Variants in FHIT observed in about 807,000 individuals in gnomAD.
The protein encoded by FHIT is fragile histidine triad diadenosine triphosphatase.
Under a neutral mutation model 17.9 loss-of-function variants are expected in FHIT, and 19 were observed. The observed-to-expected ratio is 1.06, with a 90% CI of 0.74 to 1.56. The LOEUF is 1.56. Ranked by LOEUF, FHIT falls within the 40% of genes most tolerant of loss-of-function variation. FHIT has a pLI of 0.00. For synonymous variants in FHIT, 81 were observed against 69.7 expected, an observed-to-expected ratio of 1.16 and a Z score of -0.81; for missense variants, 248 against 189.2, an observed-to-expected ratio of 1.31 and a Z score of -1.82.
At chr3:60,345,353 G>C (rs1263496778) in intron 5 of FHIT, among the ~76,000 whole-genome samples, 1 of 152,122 alleles carries the variant, frequency 6.6e-6, no homozygotes, top group African/African-American at 2.4e-5. Flanking sequence ...CTGGTCTACA[G>C]CTTACTGTCA....
At chr3:60,074,077 C>G (rs1352087270) in intron 5 of FHIT, among the ~76,000 whole-genome samples, 3 of 152,036 alleles carry the variant, frequency 2.0e-5, no homozygotes, top group African/African-American at 7.2e-5. Context: ...CTATGAGAAG[C>G]AGATGTCTTA....
At chr3:59,917,325 C>T (rs1057488768) in intron 8 of FHIT, among the ~76,000 whole-genome samples, 8 of 152,236 alleles carry the variant, frequency 5.3e-5, no homozygotes, top group African/African-American at 1.2e-4. Context: ...TGCACAGTCA[C>T]AACCATTCAA....
rs148863022 is a variant in FHIT, at chr3:59,749,182, T to C, written c.*403A>G. ...GTATAAAAATTCAATATGTAGACAT[T>C]TTTTTTGAAAAGGGAAGAAATAAGC... On this transcript the variant is annotated 3_prime_UTR_variant, in exon 10 of 10. Transcript: ENST00000492590. The C allele has an allele frequency of 5.7e-5, 13 of 229,808 alleles. No individual in the cohort carries two copies. The highest frequency in any genetic ancestry group is 2.9e-4 in the African/African-American group (13 of 45,268). The allele number at this position is 229,808 out of a possible 1,614,324, so 14.2% of individuals were successfully genotyped here.
chr3:60,549,998 G>A (rs11130772), intron 4 of FHIT, among the ~76,000 whole-genome samples: 1 of 152,022 alleles, frequency 6.6e-6, no homozygotes, highest in African/African-American at 2.4e-5. Flanking sequence ...CTTAACTCCA[G>A]ACACTTCTAC....
chr3:61,051,499 T>G (rs1244405111), intron 2 of FHIT, among the ~76,000 whole-genome samples: 2 of 152,126 alleles, frequency 1.3e-5, no homozygotes, highest in Admixed American at 6.5e-5. Flanking sequence ...TCTGCTCACC[T>G]CAGCCTCCCA....
At chr3:60,260,342 T>C (rs1576383605) in intron 5 of FHIT, among the ~76,000 whole-genome samples, 1 of 149,510 alleles carries the variant, frequency 6.7e-6, no homozygotes, top group East Asian at 2.0e-4. Flanking sequence ...ACTTCTGTCT[T>C]GACTAAATTT....
intron 5 of FHIT, among the ~76,000 whole-genome samples, chr3:60,290,784 T>C (rs1004690567): frequency 6.6e-6 from 1 of 152,014 alleles, no homozygotes; most frequent in East Asian, 1.9e-4. Flanking sequence ...AGAGATAAAA[T>C]GGCATAACTG....
intron 4 of FHIT, among the ~76,000 whole-genome samples, chr3:60,603,565 T>C (rs2038511911): frequency 6.6e-6 from 1 of 151,950 alleles, no homozygotes; most frequent in Non-Finnish European, 1.5e-5. Context: ...GTATATTGCC[T>C]ACATTTTTTA....
At chr3:60,346,142 A>C (rs6799964) in intron 5 of FHIT, among the ~76,000 whole-genome samples, 81,059 of 152,014 alleles carry the variant, frequency 0.53, 22,798 homozygotes, top group South Asian at 0.77. Context: ...GCGCCCAAAT[A>C]CACAGTGACT....
At chr3:60,098,126 T>A (rs1704040146) in intron 5 of FHIT, among the ~76,000 whole-genome samples, 1 of 144,888 alleles carries the variant, frequency 6.9e-6, no homozygotes, top group Admixed American at 7.1e-5. Flanking sequence ...TGTTGGACAT[T>A]TGGGTTGGTT....
intron 3 of FHIT, among the ~76,000 whole-genome samples, chr3:61,012,844 C>A (rs187513728): frequency 1.3e-5 from 2 of 151,670 alleles, no homozygotes; most frequent in African/African-American, 4.8e-5. Context: ...TGTTCTGAGA[C>A]TATATGATGA....
intron 5 of FHIT, among the ~76,000 whole-genome samples, chr3:60,368,194 TTAA>T (rs1375290218): frequency 8.2e-6 from 1 of 122,394 alleles, no homozygotes; most frequent in South Asian, 2.6e-4. Context: ...ACATATCTTT[TTAA>T]AAAAAAAAAA....
chr3:60,782,883 A>C (rs1214006711), intron 4 of FHIT, among the ~76,000 whole-genome samples: 3 of 152,168 alleles, frequency 2.0e-5, no homozygotes, highest in Admixed American at 6.5e-5. Flanking sequence ...TAGTTCCCCC[A>C]AGCCCTTTTA....
At chr3:60,225,016 C>CCATTCTGGGCATCTTAAACAAA (rs1704130033) in intron 5 of FHIT, among the ~76,000 whole-genome samples, 1 of 152,110 alleles carries the variant, frequency 6.6e-6, no homozygotes, top group Non-Finnish European at 1.5e-5. Flanking sequence ...CCACCACGCC[C>CCATTCTGGGCATCTTAAACAAA]AGCCAGGATT....
At chr3:60,724,129 C>T (rs1024046148) in intron 4 of FHIT, among the ~76,000 whole-genome samples, 4 of 152,152 alleles carry the variant, frequency 2.6e-5, no homozygotes, top group East Asian at 1.9e-4. Context: ...TATCCATTTA[C>T]AGTCACTACC....
intron 5 of FHIT, among the ~76,000 whole-genome samples, chr3:60,471,673 C>T (rs935119088): frequency 2.0e-5 from 3 of 152,172 alleles, no homozygotes; most frequent in African/African-American, 7.2e-5. Flanking sequence ...AAACCAGATA[C>T]TGCAATCACC....
chr3:60,206,866 C>T (rs1032653552), intron 5 of FHIT, among the ~76,000 whole-genome samples: 21 of 151,958 alleles, frequency 1.4e-4, no homozygotes, highest in African/African-American at 4.3e-4. Context: ...CTTTTTAGTT[C>T]GCTCCAGTTG....
intron 5 of FHIT, among the ~76,000 whole-genome samples, chr3:60,033,770 C>A (rs1701098940): frequency 6.6e-6 from 1 of 152,166 alleles, no homozygotes; most frequent in Admixed American, 6.5e-5. Context: ...ATGTCTGAAA[C>A]ATTTCAAAAT....
At chr3:60,566,071 TTGAG>T (rs1351979767) in intron 4 of FHIT, among the ~76,000 whole-genome samples, 9 of 152,176 alleles carry the variant, frequency 5.9e-5, no homozygotes, top group Non-Finnish European at 1.5e-5. Flanking sequence ...TTGAGTGGTT[TTGAG>T]TGAGTTTCTT....
Sources: gnomAD v4.1 joint callset for allele counts (sites outside exome capture counted in the v4.1 genomes callset) on GRCh38, gnomAD v4.1.1 for gene constraint, MANE v1.5 for transcripts, NCBI Gene and HGNC (gene_info 2026-07-23, HGNC 2026-07-21) for gene names.